The following CAMTA1 variants were observed in gnomAD, a reference collection of about 807,000 sequenced individuals.
CAMTA1 encodes the protein calmodulin-binding transcription activator 1.
Under a neutral mutation model 170.9 loss-of-function variants are expected in CAMTA1, and 27 were observed. That is an observed-to-expected ratio of 0.16 (90% CI 0.12 to 0.22). The LOEUF (loss-of-function observed/expected upper bound fraction) is 0.22, where lower values mean the gene tolerates loss of function less well. Among genes scored for constraint, CAMTA1 ranks in the 10% least tolerant of loss-of-function variants. The pLI is 1.00. For missense variants in CAMTA1, 1,619 were observed against 2,217.2 expected (o/e 0.73, Z 5.42); for synonymous variants, 833 against 891.5 (o/e 0.93, Z 1.17).
intron 1 of CAMTA1, 88 bp from the exon 2 acceptor site, chr1:6,820,093 G>A (rs1219268628): frequency 1.3e-6 from 1 of 795,138 alleles, no homozygotes. Context: ...TTAGATTCAG[G>A]TTTTGCATCT....
chr1:6,791,507 C>T (rs1384581214), intron 1 of CAMTA1, among the ~76,000 whole-genome samples: 4 of 152,188 alleles, frequency 2.6e-5, no homozygotes, highest in Non-Finnish European at 5.9e-5. Context: ...CAGCTTCTTT[C>T]TGTCTCTTTG....
intron 3 of CAMTA1, among the ~76,000 whole-genome samples, chr1:6,906,797 C>T (rs1176754779): frequency 2.0e-5 from 3 of 152,166 alleles, no homozygotes; most frequent in Non-Finnish European, 4.4e-5. Flanking sequence ...GAGGAAGGTG[C>T]TAAATGAAAT....
At chr1:7,131,200 C>T (rs369104528) in intron 4 of CAMTA1, among the ~76,000 whole-genome samples, 1 of 152,176 alleles carries the variant, frequency 6.6e-6, no homozygotes, top group African/African-American at 2.4e-5. Flanking sequence ...GATCCACCCA[C>T]CTCGGCCTCC....
At chr1:7,138,189 G>A (rs72641219) in intron 4 of CAMTA1, among the ~76,000 whole-genome samples, 13,574 of 152,034 alleles carry the variant, frequency 0.089, 1,057 homozygotes, top group African/African-American at 0.2. Context: ...GTCTCACTAT[G>A]TTGTCCAGGC....
At chr1:6,897,843 A>C (rs921082189) in intron 3 of CAMTA1, among the ~76,000 whole-genome samples, 7 of 152,182 alleles carry the variant, frequency 4.6e-5, no homozygotes, top group Non-Finnish European at 8.8e-5. Flanking sequence ...ACTATTGTTC[A>C]TTTCTTTTTT....
At chr1:6,824,483 T>TAC (rs1384599447) in intron 2 of CAMTA1, among the ~76,000 whole-genome samples, 1 of 152,160 alleles carries the variant, frequency 6.6e-6, no homozygotes, top group African/African-American at 2.4e-5. Flanking sequence ...ATTATGTAGA[T>TAC]ATGTATATGT....
intron 5 of CAMTA1, among the ~76,000 whole-genome samples, chr1:7,269,166 T>C (rs1372205073): frequency 6.6e-6 from 1 of 152,214 alleles, no homozygotes; most frequent in Admixed American, 6.5e-5. Flanking sequence ...GAAATCAAGG[T>C]GTGAGCCAGG....
At chr1:7,624,811 G>C (rs757291824) in intron 6 of CAMTA1, among the ~76,000 whole-genome samples, 7 of 152,252 alleles carry the variant, frequency 4.6e-5, no homozygotes, top group Non-Finnish European at 8.8e-5. Flanking sequence ...TGGAAAGAGT[G>C]AGGCTGGCTG....
chr1:7,679,624 G>A (rs1159615961), intron 11 of CAMTA1, among the ~76,000 whole-genome samples: 1 of 151,260 alleles, frequency 6.6e-6, no homozygotes, highest in African/African-American at 2.4e-5. Flanking sequence ...CCTCCAAGTT[G>A]AAATAAGCAC....
At chr1:6,803,029 G>A (rs942107479) in intron 1 of CAMTA1, among the ~76,000 whole-genome samples, 7 of 152,196 alleles carry the variant, frequency 4.6e-5, no homozygotes, top group East Asian at 1.9e-4. Context: ...GATTACAGGC[G>A]TGAGCCACCG....
chr1:7,608,082 G>A (rs2095499600), intron 6 of CAMTA1, among the ~76,000 whole-genome samples: 1 of 152,170 alleles, frequency 6.6e-6, no homozygotes, highest in South Asian at 2.1e-4. Context: ...CAATTTTTCT[G>A]GCCCCTGCAG....
At chr1:7,555,844 A>G (rs985721076) in intron 6 of CAMTA1, among the ~76,000 whole-genome samples, 4 of 151,948 alleles carry the variant, frequency 2.6e-5, no homozygotes, top group East Asian at 1.9e-4. Context: ...CCCAAACCCA[A>G]CCACGTCCTG....
At chr1:7,523,114 G>A (rs558754709) in intron 6 of CAMTA1, among the ~76,000 whole-genome samples, 11 of 152,318 alleles carry the variant, frequency 7.2e-5, no homozygotes, top group African/African-American at 2.4e-4. Context: ...TAATCTGCCC[G>A]CCTTGGCCTC....
intron 6 of CAMTA1, among the ~76,000 whole-genome samples, chr1:7,489,800 C>G (rs1162791258): frequency 6.6e-6 from 1 of 152,232 alleles, no homozygotes; most frequent in Non-Finnish European, 1.5e-5. Context: ...GTTCCCATGC[C>G]AGGGGCCTTC....
intron 4 of CAMTA1, among the ~76,000 whole-genome samples, chr1:7,111,175 T>A (rs1273645004): frequency 6.6e-6 from 1 of 152,212 alleles, no homozygotes; most frequent in African/African-American, 2.4e-5. Context: ...GACCTTGTGA[T>A]TACATTGAGC....
intron 4 of CAMTA1, among the ~76,000 whole-genome samples, chr1:7,203,836 T>C (rs1326233519): frequency 2.8e-5 from 4 of 144,156 alleles, no homozygotes; most frequent in African/African-American, 2.5e-5. Context: ...CTTTTCTTTC[T>C]TTTTTTTTTT....
chr1:7,381,304 C>G (rs1308563309), intron 5 of CAMTA1, among the ~76,000 whole-genome samples: 1 of 146,626 alleles, frequency 6.8e-6, no homozygotes, highest in South Asian at 2.3e-4. Context: ...TCCCTCCCCC[C>G]TCCCCCAACC....
intron 8 of CAMTA1, among the ~76,000 whole-genome samples, chr1:7,662,152 G>A (rs2095964732): frequency 6.6e-6 from 1 of 152,242 alleles, no homozygotes; most frequent in Admixed American, 6.5e-5. Context: ...AGTTGGGGAA[G>A]CGAGGAGCTC....
intron 3 of CAMTA1, among the ~76,000 whole-genome samples, chr1:6,845,631 G>A (rs993322915): frequency 3.3e-5 from 5 of 152,232 alleles, no homozygotes; most frequent in African/African-American, 4.8e-5. Flanking sequence ...TACCATGGAT[G>A]ATTTAAGTGC....
Sources: gnomAD v4.1 joint callset for allele counts (sites outside exome capture counted in the v4.1 genomes callset) on GRCh38, gnomAD v4.1.1 for gene constraint, MANE v1.5 for transcripts, NCBI Gene and HGNC (gene_info 2026-07-23, HGNC 2026-07-21) for gene names.